The following BRCA2 variants were observed in gnomAD, a reference collection of about 807,000 sequenced individuals.
BRCA2 encodes the protein BRCA2 DNA repair associated.
In BRCA2, 203 loss-of-function variants were observed where a neutral mutation model predicts 276.7. The ratio of observed to expected loss-of-function variants is 0.73; its 90% CI spans 0.65 to 0.82. The LOEUF (loss-of-function observed/expected upper bound fraction) is 0.82, where lower values mean the gene tolerates loss of function less well. Among genes scored for constraint, BRCA2 ranks in the 40% least tolerant of loss-of-function variants. BRCA2 has a pLI of 0.00. For synonymous variants in BRCA2, 1,289 were observed against 1,338.4 expected, an observed-to-expected ratio of 0.96 and a Z score of 0.81; for missense variants, 3,920 against 3,915.0, an observed-to-expected ratio of 1.00 and a Z score of -0.03.
intron 24 of BRCA2, among the ~76,000 whole-genome samples, chr13:32,381,107 A>G (rs904254964): frequency 2.0e-5 from 3 of 152,154 alleles, no homozygotes; most frequent in Non-Finnish European, 4.4e-5. Flanking sequence ...TCTTGGTCAT[A>G]TTTGGATGAC....
In BRCA2 at chr13:32,379,751, T is replaced by TA. The variant is rs397508024; in HGVS notation, c.8956dup (p.Ile2986AsnfsTer32). The TA allele has an allele frequency of 6.2e-7, 1 of 1,610,150 alleles. No homozygotes were observed. Among genetic ancestry groups the TA allele is most frequent in the Non-Finnish European group, 8.5e-7 (1 of 1,176,460 alleles). On this transcript the variant is annotated frameshift_variant and splice_region_variant, in exon 23 of 27. Coordinates refer to ENST00000380152, the MANE Select transcript of BRCA2 (RefSeq NM_000059.4). LOFTEE classifies it high-confidence loss of function. ...TCTTTCTCATCTTTCTCCAAACAGT[T>TA]ATACTGAGTATTTGGCGTCCATCAT...
At chr13:32,318,291 A>C (rs770365346) in intron 2 of BRCA2, among the ~76,000 whole-genome samples, 1 of 152,222 alleles carries the variant, frequency 6.6e-6, no homozygotes, top group Non-Finnish European at 1.5e-5. Context: ...TAGAGGATGA[A>C]TAGCTCACAA....
chr13:32,330,852 G>C (rs2072383630), intron 8 of BRCA2, 67 bp from the exon 9 acceptor site: 1 of 937,604 alleles, frequency 1.1e-6, no homozygotes, highest in Non-Finnish European at 1.7e-6. Flanking sequence ...CATGGATAAG[G>C]GGGGACTACT....
chr13:32,317,476 GTTAC>G (rs1194213504), intron 2 of BRCA2, among the ~76,000 whole-genome samples: 2 of 152,090 alleles, frequency 1.3e-5, no homozygotes, highest in Admixed American at 6.5e-5. Context: ...ATAGTTTTCA[GTTAC>G]TTTTTGGTAT....
intron 20 of BRCA2, among the ~76,000 whole-genome samples, chr13:32,372,583 C>T (rs1350511497): frequency 1.3e-5 from 2 of 152,112 alleles, no homozygotes; most frequent in Non-Finnish European, 2.9e-5. Flanking sequence ...GGAAACCACC[C>T]CCATGATCCA....
At chr13:32,365,966 T>G (rs2072779093) in intron 18 of BRCA2, among the ~76,000 whole-genome samples, 1 of 151,916 alleles carries the variant, frequency 6.6e-6, no homozygotes, top group South Asian at 2.1e-4. Context: ...TCTATTTGAT[T>G]GTCTTTTTTT....
In BRCA2 at chr13:32,363,485, T is replaced by C. The variant is rs776062931; in HGVS notation, c.8283T>C (p.Ser2761=). Reference sequence around the variant, plus strand: ...TTCATGGAGCAGAACTGGTGGGCTCTCCTGATGCCTGTACACCTCTTGAAG... The same window carrying C: ...TTCATGGAGCAGAACTGGTGGGCTCCCCTGATGCCTGTACACCTCTTGAAG... ...IILHGAELVG[S]PDACTPLEAP... is the part of the protein sequence containing the mutation. The change falls in exon 18 of 27, where the codon TCT becomes TCC. Residue 2761 remains serine (S), a synonymous_variant. Coordinates refer to ENST00000380152, the MANE Select transcript of BRCA2 (RefSeq NM_000059.4). 1 of 1,614,152 alleles carries C rather than the reference T, an allele frequency of 6.2e-7. No homozygotes were observed. The highest frequency in any genetic ancestry group is 8.5e-7 in the Non-Finnish European group (1 of 1,180,014).
Position 32,399,332 on chromosome 13 carries a change from T to C in BRCA2, c.*562T>C, listed in dbSNP as rs2073064554. The C allele has an allele frequency of 5.2e-6, 1 of 193,290 alleles. No individual in the cohort carries two copies. Among genetic ancestry groups the C allele is most frequent in the East Asian group, 8.3e-5 (1 of 12,044 alleles). 12.0% of individuals were successfully genotyped at this position (193,290 alleles called of 1,614,324 possible). A position where few individuals can be genotyped will look rare whatever the true frequency, so the allele number is the denominator to read the frequency against. ...AGCTACTATTTTAGGGGATTTTTTT[T>C]AGAGGTAACTCACTATGAAATAGTT... On this transcript the variant is annotated 3_prime_UTR_variant, in exon 27 of 27. Coordinates refer to ENST00000380152, the MANE Select transcript of BRCA2 (RefSeq NM_000059.4).
chr13:32,317,187 T>C (rs935582614), intron 2 of BRCA2, among the ~76,000 whole-genome samples: 1 of 152,172 alleles, frequency 6.6e-6, no homozygotes, highest in African/African-American at 2.4e-5. Flanking sequence ...CCACATAGCA[T>C]GACTCTGTCT....
rs767110818 is a variant in BRCA2 at position 32,340,978 on chromosome 13, A to G, written c.6623A>G (p.Asn2208Ser). The G allele has an allele frequency of 1.2e-6, 2 of 1,609,034 alleles. No homozygotes were observed. The highest frequency in any genetic ancestry group is 2.2e-5 in the South Asian group (2 of 89,350). Residue 2208 changes from asparagine to serine, a missense_variant, in exon 11 of 27, where the codon AAT (asparagine) becomes AGT (serine). Around this residue, in one of 2 missense-constraint regions of BRCA2, gnomAD observed 3,263 missense variants for 3,156.9 expected, o/e 1.03. Coordinates refer to ENST00000380152, the MANE Select transcript of BRCA2 (RefSeq NM_000059.4). ...TTTTCTGATGTTCCTGTGAAAACAA[A>G]TATAGAAGTTTGTTCTACTTACTCC... ...ETFSDVPVKT[N>S]IEVCSTYSKD... is the part of the protein sequence containing the mutation.
At chr13:32,381,591 AGAGT>A (rs1420410751) in intron 24 of BRCA2, among the ~76,000 whole-genome samples, 1 of 152,152 alleles carries the variant, frequency 6.6e-6, no homozygotes, top group Non-Finnish European at 1.5e-5. Context: ...CAGAGACCAG[AGAGT>A]GAGAAGTAAC....
Position 32,337,005 on chromosome 13 carries a change from TCAGA to T in BRCA2, c.2653_2656del (p.Asp885MetfsTer9), listed in dbSNP as rs80359340. 2 of 1,588,620 alleles carry T rather than the reference TCAGA, an allele frequency of 1.3e-6. No individual in the cohort carries two copies. The highest frequency in any genetic ancestry group is 1.7e-6 in the Non-Finnish European group (2 of 1,172,062). On this transcript the variant is annotated frameshift_variant, in exon 11 of 27. Coordinates refer to ENST00000380152, the MANE Select transcript of BRCA2 (RefSeq NM_000059.4). LOFTEE classifies it high-confidence loss of function. ...CAATCCAGACTCTGAAGAACTTTTC[TCAGA>T]CAATGAGAATAATTTTGTCTTCCAA...
rs80359773 is a variant in BRCA2 at position 32,398,184 on chromosome 13, T to TA, written c.9672dup (p.Tyr3225IlefsTer30). The stretch of plus-strand genomic sequence containing the variant: ...CAGATGTCTTCTCCTAATTGTGAGA[T>TA]ATATTATCAAAGTCCTTTATCACTT... On this transcript the variant is annotated frameshift_variant, in exon 27 of 27. Coordinates refer to ENST00000380152, the MANE Select transcript of BRCA2 (RefSeq NM_000059.4). LOFTEE classifies it low-confidence loss of function (END_TRUNC). The TA allele has an allele frequency of 3.7e-6, 6 of 1,610,772 alleles. No homozygotes were observed. Among genetic ancestry groups the TA allele is most frequent in the Non-Finnish European group, 5.1e-6 (6 of 1,178,210 alleles).
At position 32,336,982 on chromosome 13, in the gene BRCA2, A is replaced by C. The variant is rs997313713; in HGVS notation, c.2627A>C (p.Asn876Thr). 6.3e-7 allele frequency: 1 copy of C among 1,588,334 alleles called. No homozygotes were observed. Among genetic ancestry groups the C allele is most frequent in the Non-Finnish European group, 8.5e-7 (1 of 1,172,504 alleles). Reference protein sequence around the residue: ...ETTSISKITVNPDSEELFSDN... With the variant: ...ETTSISKITVTPDSEELFSDN... ...ACTTCAATTTCAAAAATAACTGTCA[A>C]TCCAGACTCTGAAGAACTTTTCTCA... The change falls in exon 11 of 27, where the codon AAT becomes ACT. Residue 876 changes from asparagine (N) to threonine (T), a missense_variant. Asn to Thr is a moderately conservative substitution (Grantham distance 65). This residue lies in a region of BRCA2 where 3,263 missense variants were observed against 3,156.9 expected (regional missense o/e 1.03). Coordinates refer to ENST00000380152, the MANE Select transcript of BRCA2 (RefSeq NM_000059.4).
chr13:32,333,504 A>G (rs2072426800), intron 10 of BRCA2, 117 bp downstream of exon 10: 2 of 1,123,478 alleles, frequency 1.8e-6, no homozygotes. Flanking sequence ...CTTAGGCATC[A>G]TCTGTATACA....
intron 11 of BRCA2, among the ~76,000 whole-genome samples, chr13:32,344,026 G>A (rs1390115111): frequency 6.6e-6 from 1 of 151,876 alleles, no homozygotes; most frequent in Non-Finnish European, 1.5e-5. Context: ...TACCCTCTTA[G>A]CCTCTGTAGA....
rs786203743 is a variant in BRCA2, at chr13:32,338,819, C to A, written c.4464C>A (p.His1488Gln). The A allele has an allele frequency of 6.2e-7, 1 of 1,613,624 alleles. No homozygotes were observed. Among genetic ancestry groups the A allele is most frequent in the Non-Finnish European group, 8.5e-7 (1 of 1,179,766 alleles). ...ATGAGGAAACAGACATAGTTAAACA[C>A]AAAATACTGAAAGAAAGTGTCCCAG... is the stretch of plus-strand genomic sequence containing the variant. ...LSYEETDIVK[H>Q]KILKESVPVG... The change falls in exon 11 of 27, where the codon CAC (histidine) becomes CAA (glutamine). Residue 1488 changes from histidine (H) to glutamine (Q), a missense_variant. This residue lies in a region of BRCA2 where 3,263 missense variants were observed against 3,156.9 expected (regional missense o/e 1.03). Coordinates refer to ENST00000380152, the MANE Select transcript of BRCA2 (RefSeq NM_000059.4).
At chr13:32,327,881 TC>T (rs1397931984) in intron 7 of BRCA2, among the ~76,000 whole-genome samples, 1 of 151,176 alleles carries the variant, frequency 6.6e-6, no homozygotes, top group Non-Finnish European at 1.5e-5. Flanking sequence ...TAATCTTTCT[TC>T]CTCTTAGCCT....
intron 18 of BRCA2, among the ~76,000 whole-genome samples, chr13:32,367,218 T>A (rs2072789140): frequency 6.6e-6 from 1 of 152,068 alleles, no homozygotes; most frequent in African/African-American, 2.4e-5. Flanking sequence ...GCAGATCACT[T>A]GGGGTCAGGA....
Sources: gnomAD v4.1 joint callset for allele counts (sites outside exome capture counted in the v4.1 genomes callset) on GRCh38, gnomAD v4.1.1 for gene constraint, gnomAD v4.1.1 regional missense constraint, MANE v1.5 for transcripts, NCBI Gene and HGNC (gene_info 2026-07-23, HGNC 2026-07-21) for gene names.